Variants in DCC observed in about 807,000 individuals in gnomAD.
DCC encodes the protein DCC netrin 1 receptor, also known as netrin receptor DCC.
DCC carries 58 observed loss-of-function variants against 172.5 expected under a neutral mutation model. The observed-to-expected ratio is 0.34, with a 90% CI of 0.27 to 0.42. The LOEUF (loss-of-function observed/expected upper bound fraction) is 0.42. Among genes scored for constraint, DCC ranks in the 10% least tolerant of loss-of-function variants. The pLI, the probability that DCC is intolerant of heterozygous loss-of-function variation, is 1.00. For missense variants in DCC, 1,740 were observed against 1,791.0 expected (o/e 0.97, Z 0.51); for synonymous variants, 709 against 644.5 (o/e 1.10, Z -1.52).
At chr18:52,419,597 T>C (rs1987175731) in intron 1 of DCC, 1 of 152,148 alleles carries the variant, frequency 6.6e-6, no homozygotes, top group African/African-American at 2.4e-5. Flanking sequence ...GGAATTCAAC[T>C]ATAATCTGAG....
At chr18:53,008,121 C>G (rs1265442271) in intron 5 of DCC, among the ~76,000 whole-genome samples, 1 of 151,354 alleles carries the variant, frequency 6.6e-6, no homozygotes, top group African/African-American at 2.4e-5. Context: ...TTAGGACTGT[C>G]TCCTGAGAAA....
intron 1 of DCC, among the ~76,000 whole-genome samples, chr18:52,366,866 C>A (rs1984886752): frequency 2.0e-5 from 3 of 152,258 alleles, no homozygotes; most frequent in Admixed American, 1.3e-4. Context: ...ACCAGGGCTG[C>A]AGGTGGAGCT....
At chr18:52,783,216 TTC>T (rs2037581827) in intron 2 of DCC, among the ~76,000 whole-genome samples, 1 of 151,962 alleles carries the variant, frequency 6.6e-6, no homozygotes, top group Non-Finnish European at 1.5e-5. Flanking sequence ...TTCCTACTTG[TTC>T]TTTTTACAGC....
At chr18:53,321,329 T>C (rs1425846800) in intron 13 of DCC, among the ~76,000 whole-genome samples, 1 of 152,190 alleles carries the variant, frequency 6.6e-6, no homozygotes, top group African/African-American at 2.4e-5. Context: ...CAATAATTTA[T>C]CATGTTAATG....
At chr18:52,585,805 C>G (rs1041778976) in intron 1 of DCC, among the ~76,000 whole-genome samples, 3 of 152,112 alleles carry the variant, frequency 2.0e-5, no homozygotes, top group African/African-American at 7.2e-5. Flanking sequence ...CACTGTCGGC[C>G]GGGCGCGGTG....
intron 27 of DCC, among the ~76,000 whole-genome samples, chr18:53,524,801 G>A (rs1051174231): frequency 6.6e-6 from 1 of 151,978 alleles, no homozygotes; most frequent in African/African-American, 2.4e-5. Flanking sequence ...TTTGCTCCAT[G>A]GAGTTAGACA....
At chr18:53,299,889 G>A (rs747975079) in intron 12 of DCC, among the ~76,000 whole-genome samples, 10 of 152,122 alleles carry the variant, frequency 6.6e-5, no homozygotes, top group Non-Finnish European at 1.2e-4. Context: ...AAAGGTCATA[G>A]CAATAGACCT....
chr18:53,057,079 T>TAA (rs11316527), intron 5 of DCC, among the ~76,000 whole-genome samples: 55 of 89,308 alleles, frequency 6.2e-4, no homozygotes, highest in African/African-American at 1.1e-3. Context: ...CTTCTAAAAG[T>TAA]AAAAAAAAAA....
At chr18:52,783,218 C>A (rs996497009) in intron 2 of DCC, among the ~76,000 whole-genome samples, 2 of 148,298 alleles carry the variant, frequency 1.3e-5, no homozygotes, top group South Asian at 2.2e-4. Context: ...CCTACTTGTT[C>A]TTTTTACAGC....
rs554682211 is a variant in DCC at position 53,207,119 on chromosome 18, A to G, written c.1723-560A>G. On this transcript the variant is annotated intron_variant, in intron 10 of 28. Coordinates refer to ENST00000442544, the MANE Select transcript of DCC (RefSeq NM_005215.4). ...AAATTCAAAACCATCATCATCCAAG[A>G]TAGATGTGAGTGTGAAGATCTGATT... Among the ~76,000 whole-genome samples, 6 of 152,256 alleles carry G rather than the reference A, an allele frequency of 3.9e-5. 1 individual carries two copies. In the South Asian group the frequency reaches 1.2e-3, roughly 32 times the overall value.
intron 12 of DCC, among the ~76,000 whole-genome samples, chr18:53,220,144 G>A (rs1053466847): frequency 2.6e-5 from 4 of 152,146 alleles, no homozygotes; most frequent in Non-Finnish European, 4.4e-5. Flanking sequence ...AGGAAAAAAT[G>A]TGAGTTATGA....
At chr18:53,527,191 T>TATAAC (rs2046468048) in intron 28 of DCC, among the ~76,000 whole-genome samples, 1 of 133,876 alleles carries the variant, frequency 7.5e-6, no homozygotes, top group African/African-American at 2.9e-5. Flanking sequence ...TAAGACTATA[T>TATAAC]AACTCTTCTT....
intron 8 of DCC, among the ~76,000 whole-genome samples, chr18:53,169,455 G>A (rs2054977789): frequency 6.6e-6 from 1 of 152,112 alleles, no homozygotes; most frequent in Admixed American, 6.5e-5. Context: ...GAGTAAATTT[G>A]CTGTGAATGG....
At chr18:53,498,219 G>T (rs996274667) in intron 26 of DCC, among the ~76,000 whole-genome samples, 2 of 152,136 alleles carry the variant, frequency 1.3e-5, no homozygotes, top group East Asian at 3.9e-4. Context: ...TATTTCCTCT[G>T]CCCTTTGATG....
At chr18:52,736,584 ACTTG>A (rs2036733746) in intron 1 of DCC, among the ~76,000 whole-genome samples, 1 of 152,192 alleles carries the variant, frequency 6.6e-6, no homozygotes, top group Non-Finnish European at 1.5e-5. Flanking sequence ...CATTTCACTT[ACTTG>A]ATTACATTAA....
In DCC at chr18:52,796,061, C is replaced by CTTTT. The variant is rs10634818; in HGVS notation, c.412+43694_412+43697dup. On this transcript the variant is annotated intron_variant, in intron 2 of 28. Coordinates refer to ENST00000442544, the MANE Select transcript of DCC (RefSeq NM_005215.4). ...AAATTGTTTTCTATAGGTACAGTTA[C>CTTTT]TTTTTTTTTTCTGCTTTTGGTTTCC... Among the ~76,000 whole-genome samples, 690 of 143,110 alleles carry CTTTT rather than the reference C, an allele frequency of 4.8e-3. 4 individuals carry two copies. The highest frequency in any genetic ancestry group is 0.017 in the African/African-American group (654 of 39,358). The allele number at this position is 143,110 out of a possible 152,430, so 93.9% of individuals were successfully genotyped here. A position where few individuals can be genotyped will look rare whatever the true frequency, so the allele number is the denominator to read the frequency against.
intron 1 of DCC, among the ~76,000 whole-genome samples, chr18:52,578,235 T>G (rs190451135): frequency 3.9e-4 from 59 of 152,304 alleles, no homozygotes; most frequent in African/African-American, 1.4e-3. Flanking sequence ...CTGTATTGTT[T>G]TATGCTTATT....
chr18:52,526,367 G>C (rs2031979761), intron 1 of DCC, among the ~76,000 whole-genome samples: 1 of 152,160 alleles, frequency 6.6e-6, no homozygotes, highest in Non-Finnish European at 1.5e-5. Flanking sequence ...AACAAAATCA[G>C]TGACAGCAGC....
At chr18:52,982,914 T>G (rs1007707863) in intron 5 of DCC, among the ~76,000 whole-genome samples, 2 of 152,188 alleles carry the variant, frequency 1.3e-5, no homozygotes, top group African/African-American at 4.8e-5. Flanking sequence ...CCTCTTCTTC[T>G]CCATTATTGT....
Sources: gnomAD v4.1 joint callset for allele counts (sites outside exome capture counted in the v4.1 genomes callset) on GRCh38, gnomAD v4.1.1 for gene constraint, MANE v1.5 for transcripts, NCBI Gene and HGNC (gene_info 2026-07-23, HGNC 2026-07-21) for gene names.